The following KCNH8 variants were observed in gnomAD, a reference collection of about 807,000 sequenced individuals.
The protein encoded by KCNH8 is potassium voltage-gated channel subfamily H member 8.
In KCNH8, 70 loss-of-function variants were observed where a neutral mutation model predicts 103.6. That is an observed-to-expected ratio of 0.68 (90% CI 0.56 to 0.82). KCNH8 has a LOEUF of 0.82. Among genes scored for constraint, KCNH8 ranks in the 40% least tolerant of loss-of-function variants. KCNH8 has a pLI of 0.00. For missense variants in KCNH8, 1,217 were observed against 1,329.9 expected (o/e 0.92, Z 1.32); for synonymous variants, 498 against 489.4 (o/e 1.02, Z -0.23).
rs564018050 is a variant in KCNH8 at position 19,298,909 on chromosome 3, G to A, written c.442+17580G>A. 5.5e-3 allele frequency among the ~76,000 whole-genome samples: 731 copies of A among 132,652 alleles called. 1 individual carries two copies. Among genetic ancestry groups the A allele is most frequent in the Non-Finnish European group, 8.4e-3 (540 of 64,224 alleles). The allele number at this position is 132,652 out of a possible 152,430, so 87.0% of individuals were successfully genotyped here. A position where few individuals can be genotyped will look rare whatever the true frequency, so the allele number is the denominator to read the frequency against. The stretch of plus-strand genomic sequence containing the variant: ...TGCACTCCGGCCTGGGCGACCTAGC[G>A]AGACTCCGTCTCAAAAAAAAAAAAA... On this transcript the variant is annotated intron_variant, in intron 3 of 15. Transcript: ENST00000328405.
chr3:19,462,553 G>A (rs2067654796), intron 11 of KCNH8, among the ~76,000 whole-genome samples: 2 of 152,078 alleles, frequency 1.3e-5, no homozygotes, highest in Non-Finnish European at 2.9e-5. Flanking sequence ...CCTTTGTCAG[G>A]TGGGTAGATG....
At chr3:19,436,515 A>T (rs1575065502) in intron 7 of KCNH8, among the ~76,000 whole-genome samples, 1 of 152,194 alleles carries the variant, frequency 6.6e-6, no homozygotes, top group South Asian at 2.1e-4. Flanking sequence ...GGATTTGTGG[A>T]TGTTACCTCC....
intron 1 of KCNH8, among the ~76,000 whole-genome samples, chr3:19,167,490 AT>A (rs1169990911): frequency 6.6e-6 from 1 of 152,162 alleles, no homozygotes; most frequent in East Asian, 1.9e-4. Flanking sequence ...ATTGAATCAT[AT>A]TTTTTTATAA....
chr3:19,154,468 A>T (rs1336445074), intron 1 of KCNH8, among the ~76,000 whole-genome samples: 3 of 152,198 alleles, frequency 2.0e-5, no homozygotes, highest in African/African-American at 4.8e-5. Context: ...ATGTCTAGTT[A>T]AAAAACTTCC....
Position 19,281,307 on chromosome 3 carries a change from T to A in KCNH8, c.420T>A (p.Ile140=). 6.2e-7 allele frequency: 1 copy of A among 1,607,710 alleles called. No homozygotes were observed. The highest frequency in any genetic ancestry group is 8.5e-7 in the Non-Finnish European group (1 of 1,177,306). Residue 140 remains isoleucine (I), a synonymous_variant, in exon 3 of 16, where the codon ATT becomes ATA. Coordinates refer to ENST00000328405, the MANE Select transcript of KCNH8 (RefSeq NM_144633.3). The stretch of plus-strand genomic sequence containing the variant: ...ATATAACAGATACAAAAGTGAAGAT[T>A]ACTCCAGAAGATAAAAAAGAAGGTT... The part of the protein sequence containing the change: ...FKDITDTKVK[I]TPEDKKEDKV...
At chr3:19,467,955 C>G (rs1218377813) in intron 11 of KCNH8, among the ~76,000 whole-genome samples, 1 of 152,030 alleles carries the variant, frequency 6.6e-6, no homozygotes, top group Non-Finnish European at 1.5e-5. Context: ...CTCACTCCCT[C>G]CCTCCCCTCC....
At chr3:19,293,699 A>G (rs977934390) in intron 3 of KCNH8, among the ~76,000 whole-genome samples, 5 of 152,242 alleles carry the variant, frequency 3.3e-5, no homozygotes, top group African/African-American at 1.2e-4. Flanking sequence ...CTGAAACAAC[A>G]TTACTAAAAA....
intron 3 of KCNH8, among the ~76,000 whole-genome samples, chr3:19,304,654 T>C (rs1258254817): frequency 6.6e-6 from 1 of 151,952 alleles, no homozygotes; most frequent in African/African-American, 2.4e-5. Flanking sequence ...GTGACAAATA[T>C]GTGAAAAATA....
chr3:19,513,700 T>G (rs529536219), intron 13 of KCNH8, among the ~76,000 whole-genome samples: 2 of 152,294 alleles, frequency 1.3e-5, no homozygotes, highest in South Asian at 2.1e-4. Flanking sequence ...AAAAGTTTCA[T>G]AAGCAATGAG....
In KCNH8 at chr3:19,489,415, T is replaced by C. The variant is rs76152633; in HGVS notation, c.2041-20948T>C. ...CCACTGTGAGGGGTCTAAAACTAACTGTAACCAAGAATCTATATGTATATA... is the reference window on the plus strand; with the variant it reads ...CCACTGTGAGGGGTCTAAAACTAACCGTAACCAAGAATCTATATGTATATA... On this transcript the variant is annotated intron_variant, in intron 11 of 15. Coordinates refer to ENST00000328405, the MANE Select transcript of KCNH8 (RefSeq NM_144633.3). 3.7e-4 allele frequency among the ~76,000 whole-genome samples: 56 copies of C among 152,178 alleles called. No individual in the cohort carries two copies. The East Asian group carries it at 0.01, about 28-fold the overall frequency.
intron 1 of KCNH8, among the ~76,000 whole-genome samples, chr3:19,169,253 TTC>T (rs2063314886): frequency 1.4e-5 from 2 of 146,330 alleles, no homozygotes; most frequent in African/African-American, 5.4e-5. Flanking sequence ...GTTTCTTTCT[TTC>T]TTTTTTTTTT....
chr3:19,370,731 G>A (rs1574977598), intron 5 of KCNH8, among the ~76,000 whole-genome samples: 1 of 151,768 alleles, frequency 6.6e-6, no homozygotes. Flanking sequence ...CTAGCATTAG[G>A]TATATCTCCC....
intron 1 of KCNH8, among the ~76,000 whole-genome samples, chr3:19,152,145 G>T (rs759760228): frequency 3.5e-4 from 53 of 150,912 alleles, no homozygotes; most frequent in Admixed American, 2.2e-3. Flanking sequence ...CTTCTCCATA[G>T]TTTTTTTTTA....
chr3:19,330,520 G>C (rs1220604102), intron 3 of KCNH8, among the ~76,000 whole-genome samples: 1 of 152,094 alleles, frequency 6.6e-6, no homozygotes, highest in East Asian at 1.9e-4. Flanking sequence ...ATTTATTTTT[G>C]ACATTTAAGT....
At chr3:19,216,264 C>G (rs185208383) in intron 1 of KCNH8, among the ~76,000 whole-genome samples, 1 of 152,294 alleles carries the variant, frequency 6.6e-6, no homozygotes, top group African/African-American at 2.4e-5. Context: ...AAAATAGAAA[C>G]AACTTACAGT....
At chr3:19,219,626 T>C (rs2063852309) in intron 1 of KCNH8, among the ~76,000 whole-genome samples, 1 of 152,206 alleles carries the variant, frequency 6.6e-6, no homozygotes, top group Admixed American at 6.5e-5. Context: ...ACATGGCTTT[T>C]CCATGCCATA....
chr3:19,209,867 C>T (rs563269612), intron 1 of KCNH8, among the ~76,000 whole-genome samples: 1 of 152,086 alleles, frequency 6.6e-6, no homozygotes, highest in Admixed American at 6.6e-5. Context: ...TTGAGTTATC[C>T]TTCCTCAGTG....
intron 13 of KCNH8, among the ~76,000 whole-genome samples, chr3:19,514,939 TTTAAA>T (rs1299452637): frequency 6.6e-6 from 1 of 151,038 alleles, no homozygotes; most frequent in Admixed American, 6.6e-5. Flanking sequence ...CATATATACT[TTTAAA>T]TTATCTAACA....
At chr3:19,378,834 C>T (rs951734348) in intron 5 of KCNH8, among the ~76,000 whole-genome samples, 3 of 152,126 alleles carry the variant, frequency 2.0e-5, no homozygotes, top group African/African-American at 7.2e-5. Flanking sequence ...CTAATATCAA[C>T]GTAAAAAATT....
Sources: allele counts gnomAD v4.1 joint callset (sites outside exome capture counted in the v4.1 genomes callset), GRCh38; gene constraint gnomAD v4.1.1; transcripts MANE v1.5; gene names NCBI Gene and HGNC (gene_info 2026-07-23, HGNC 2026-07-21).